Variants in BCL2 observed in about 807,000 individuals in gnomAD.
The protein encoded by BCL2 is apoptosis regulator Bcl-2.
BCL2 carries 1 observed loss-of-function variant against 14.2 expected under a neutral mutation model. The observed-to-expected ratio is 0.07, with a 90% CI of 0.02 to 0.33. The LOEUF (loss-of-function observed/expected upper bound fraction) is 0.33, where lower values mean the gene tolerates loss of function less well. BCL2 is among the 10% of genes least tolerant of loss of function. BCL2 has a pLI of 0.99. For missense variants in BCL2, 247 were observed against 305.9 expected, an observed-to-expected ratio of 0.81 and a Z score of 1.44; for synonymous variants, 151 against 137.2, an observed-to-expected ratio of 1.10 and a Z score of -0.70.
chr18:63,169,316 C>CTTCTTTCCT (rs1568222510), intron 2 of BCL2, among the ~76,000 whole-genome samples: 1 of 76,354 alleles, frequency 1.3e-5, no homozygotes, highest in Non-Finnish European at 2.3e-5. Flanking sequence ...TTCTTCCTTC[C>CTTCTTTCCT]TTCCTTCTTT....
At chr18:63,272,971 T>C (rs1051125625) in intron 2 of BCL2, among the ~76,000 whole-genome samples, 5 of 150,558 alleles carry the variant, frequency 3.3e-5, no homozygotes, top group African/African-American at 9.8e-5. Flanking sequence ...ATTCACATTA[T>C]AGCTTGTTTA....
At chr18:63,211,898 G>A (rs1910018490) in intron 2 of BCL2, among the ~76,000 whole-genome samples, 1 of 152,236 alleles carries the variant, frequency 6.6e-6, no homozygotes, top group African/African-American at 2.4e-5. Context: ...CCTGGCACAG[G>A]TTTTACCAAA....
At chr18:63,269,655 C>T (rs1372845732) in intron 2 of BCL2, among the ~76,000 whole-genome samples, 1 of 152,120 alleles carries the variant, frequency 6.6e-6, no homozygotes, top group Non-Finnish European at 1.5e-5. Context: ...CAACATACAT[C>T]AGAGTTTAAT....
In BCL2 at chr18:63,211,762, T is replaced by C. The variant is rs183399817; in HGVS notation, c.586-83003A>G. 3.8e-4 allele frequency among the ~76,000 whole-genome samples: 58 copies of C among 152,354 alleles called. 1 individual carries two copies. In the East Asian group the frequency reaches 0.011, roughly 28 times the overall value. On this transcript the variant is annotated intron_variant, in intron 2 of 2. Transcript: ENST00000333681. ...GCATTGTCCTACTGTGGCTGCAAGCTGTGTCTCACCACAGCTAACGCCAGT... is the reference window on the plus strand; with the variant it reads ...GCATTGTCCTACTGTGGCTGCAAGCCGTGTCTCACCACAGCTAACGCCAGT...
rs199902452 is a variant in BCL2 at position 63,261,591 on chromosome 18, A to G, written c.585+56491T>C. Among the ~76,000 whole-genome samples the G allele has an allele frequency of 2.6e-5, 4 of 152,202 alleles. No individual in the cohort carries two copies. In the East Asian group the frequency reaches 7.7e-4, roughly 29 times the overall value. On this transcript the variant is annotated intron_variant, in intron 2 of 2. Transcript: ENST00000333681. ...GAATAGGAAAAAGGGAGAGCTTTGA[A>G]ACTCACATAGAAATAAAAACGGTCT...
chr18:63,141,981 G>T (rs917022239), intron 2 of BCL2, among the ~76,000 whole-genome samples: 1 of 152,240 alleles, frequency 6.6e-6, no homozygotes, highest in African/African-American at 2.4e-5. Context: ...AATGGGAACT[G>T]AAAGCAGATG....
intron 2 of BCL2, among the ~76,000 whole-genome samples, chr18:63,132,213 C>T (rs903743488): frequency 4.6e-5 from 7 of 152,150 alleles, no homozygotes; most frequent in Admixed American, 2.0e-4. Flanking sequence ...AACCCAGCCC[C>T]GAGCCTCATT....
chr18:63,213,863 C>T (rs560449421), intron 2 of BCL2, among the ~76,000 whole-genome samples: 16 of 152,108 alleles, frequency 1.1e-4, no homozygotes, highest in African/African-American at 2.7e-4. Context: ...CCCACCTCAA[C>T]GCACAAGGAA....
intron 2 of BCL2, among the ~76,000 whole-genome samples, chr18:63,205,771 C>T (rs117254208): frequency 9.2e-5 from 14 of 152,218 alleles, no homozygotes; most frequent in Admixed American, 2.0e-4. Flanking sequence ...TAAGCAGCCC[C>T]GCTCCCACCC....
chr18:63,159,989 G>A (rs1455575529), intron 2 of BCL2, among the ~76,000 whole-genome samples: 2 of 152,156 alleles, frequency 1.3e-5, no homozygotes, highest in African/African-American at 4.8e-5. Flanking sequence ...TTCATTCTCA[G>A]TATCATTTAC....
At chr18:63,215,668 T>A (rs1429238672) in intron 2 of BCL2, among the ~76,000 whole-genome samples, 1 of 152,008 alleles carries the variant, frequency 6.6e-6, no homozygotes, top group Non-Finnish European at 1.5e-5. Flanking sequence ...AAAAAGTAAA[T>A]AAGTGAAAAA....
At chr18:63,218,002 G>A (rs1910254069) in intron 2 of BCL2, among the ~76,000 whole-genome samples, 1 of 152,174 alleles carries the variant, frequency 6.6e-6, no homozygotes, top group Non-Finnish European at 1.5e-5. Flanking sequence ...AAGGAAGGGA[G>A]GGATAGAGGG....
rs975511813 is a variant in BCL2, at chr18:63,149,736, G to T, written c.586-20977C>A. ...ATGATTAACAGTGAAGAAGAGAGGA[G>T]ATGTCACTAATAATATTGATTTTTA... On this transcript the variant is annotated intron_variant, in intron 2 of 2. Coordinates refer to ENST00000333681, the MANE Select transcript of BCL2 (RefSeq NM_000633.3). The surrounding 1 kb of genome is among the most constrained non-coding windows in gnomAD (Gnocchi z 4.2). 2.0e-5 allele frequency among the ~76,000 whole-genome samples: 3 copies of T among 152,154 alleles called. No homozygotes were observed. Among genetic ancestry groups the T allele is most frequent in the Admixed American group, 1.3e-4 (2 of 15,270 alleles).
At chr18:63,170,733 T>A (rs1332625088) in intron 2 of BCL2, among the ~76,000 whole-genome samples, 1 of 152,250 alleles carries the variant, frequency 6.6e-6, no homozygotes, top group Non-Finnish European at 1.5e-5. Context: ...AAAACTTTCA[T>A]TCAGTCGTAC....
chr18:63,314,310 A>G (rs1343358088), intron 2 of BCL2: 2 of 152,210 alleles, frequency 1.3e-5, no homozygotes, highest in Non-Finnish European at 2.9e-5. Context: ...TCTTTCATGT[A>G]ATTTGTACAC....
chr18:63,299,254 CATTT>C (rs1056874225), intron 2 of BCL2, among the ~76,000 whole-genome samples: 3 of 152,264 alleles, frequency 2.0e-5, no homozygotes, highest in Non-Finnish European at 2.9e-5. Context: ...TGCATTCATT[CATTT>C]AGTCAATATT....
chr18:63,283,794 A>G (rs1233946751), intron 2 of BCL2, among the ~76,000 whole-genome samples: 1 of 152,210 alleles, frequency 6.6e-6, no homozygotes. Flanking sequence ...CCTCTTTGGT[A>G]ATGGATGAAA....
At chr18:63,201,369 C>T (rs1008123465) in intron 2 of BCL2, among the ~76,000 whole-genome samples, 3 of 152,146 alleles carry the variant, frequency 2.0e-5, no homozygotes, top group Admixed American at 2.0e-4. Flanking sequence ...CTTTTCCCAC[C>T]GCCCCTAATA....
At chr18:63,155,163 G>A (rs1182567873) in intron 2 of BCL2, among the ~76,000 whole-genome samples, 1 of 152,166 alleles carries the variant, frequency 6.6e-6, no homozygotes, top group Non-Finnish European at 1.5e-5. Flanking sequence ...GATGCCAAAC[G>A]TCTGGTGGAG....
Sources: allele counts gnomAD v4.1 joint callset (sites outside exome capture counted in the v4.1 genomes callset), GRCh38; gene constraint gnomAD v4.1.1; non-coding constraint Gnocchi (gnomAD v3.1); transcripts MANE v1.5; gene names NCBI Gene and HGNC (gene_info 2026-07-23, HGNC 2026-07-21).